The following SGCZ variants were observed in gnomAD, a reference collection of about 807,000 sequenced individuals.
The protein encoded by SGCZ is zeta-sarcoglycan.
Under a neutral mutation model 41.3 loss-of-function variants are expected in SGCZ, and 40 were observed. The ratio of observed to expected loss-of-function variants is 0.97; its 90% CI spans 0.75 to 1.26. The LOEUF (loss-of-function observed/expected upper bound fraction) is 1.26, where lower values mean the gene tolerates loss of function less well. Among genes scored for constraint, SGCZ ranks in the 50% most tolerant of loss-of-function variants. The pLI is 0.00. For missense variants in SGCZ, 552 were observed against 369.8 expected (o/e 1.49, Z -4.04); for synonymous variants, 206 against 137.5 (o/e 1.50, Z -3.49).
chr8:14,415,828 G>C (rs1319612081), intron 2 of SGCZ, among the ~76,000 whole-genome samples: 3 of 151,928 alleles, frequency 2.0e-5, no homozygotes, highest in South Asian at 2.1e-4. Context: ...CAGATGATCA[G>C]TGCATTGAAT....
At chr8:14,492,783 A>C (rs991002168) in intron 2 of SGCZ, among the ~76,000 whole-genome samples, 1 of 152,030 alleles carries the variant, frequency 6.6e-6, no homozygotes, top group Non-Finnish European at 1.5e-5. Context: ...TCTTCACTAA[A>C]AGTGGTATTC....
At chr8:14,563,369 A>G (rs1256079377) in intron 1 of SGCZ, among the ~76,000 whole-genome samples, 1 of 152,216 alleles carries the variant, frequency 6.6e-6, no homozygotes, top group Non-Finnish European at 1.5e-5. Flanking sequence ...GATAGACGGC[A>G]AAGGCTAAAA....
intron 1 of SGCZ, among the ~76,000 whole-genome samples, chr8:14,578,678 T>G (rs1804791642): frequency 6.6e-6 from 1 of 152,186 alleles, no homozygotes. Context: ...TGATGAATAA[T>G]AAGGGATATT....
intron 2 of SGCZ, among the ~76,000 whole-genome samples, chr8:14,539,939 C>T (rs1293617621): frequency 6.6e-6 from 1 of 151,916 alleles, no homozygotes; most frequent in Non-Finnish European, 1.5e-5. Flanking sequence ...TAGATGAGAT[C>T]ACCTAGGAAG....
At chr8:14,272,375 G>C (rs987927609) in intron 3 of SGCZ, among the ~76,000 whole-genome samples, 9 of 152,154 alleles carry the variant, frequency 5.9e-5, no homozygotes, top group African/African-American at 2.2e-4. Flanking sequence ...CTTTTCCTGA[G>C]ACAGTCTCAC....
At chr8:14,118,905 C>T (rs56311607) in intron 5 of SGCZ, among the ~76,000 whole-genome samples, 27,659 of 151,976 alleles carry the variant, frequency 0.18, 3,340 homozygotes, top group East Asian at 0.63. Flanking sequence ...GTTTCTGTTC[C>T]GTTGCATTGG....
Position 14,761,539 on chromosome 8 carries a change from AT to A in SGCZ, c.40-206614del, listed in dbSNP as rs373649476. Among the ~76,000 whole-genome samples, 91 of 135,746 alleles carry A rather than the reference AT, an allele frequency of 6.7e-4. 1 individual carries two copies. Among genetic ancestry groups the A allele is most frequent in the South Asian group, 1.2e-3 (5 of 4,262 alleles). 89.1% of individuals were successfully genotyped at this position (135,746 alleles called of 152,430 possible). ...TATTATTTTATTTATTTATTTATTT[AT>A]TTTTTTTTTGAGAGGGAGTCTCTCC... On this transcript the variant is annotated intron_variant, in intron 1 of 7. Coordinates refer to ENST00000382080, the MANE Select transcript of SGCZ (RefSeq NM_139167.4).
chr8:14,475,318 G>A (rs1196211538), intron 2 of SGCZ, among the ~76,000 whole-genome samples: 1 of 152,040 alleles, frequency 6.6e-6, no homozygotes, highest in Non-Finnish European at 1.5e-5. Flanking sequence ...TGGAGTTGCT[G>A]CCAGAATACA....
chr8:14,193,526 C>T (rs1011996634), intron 4 of SGCZ, among the ~76,000 whole-genome samples: 1 of 152,082 alleles, frequency 6.6e-6, no homozygotes, highest in African/African-American at 2.4e-5. Context: ...TCAAGAAATA[C>T]AGCACTGATT....
intron 1 of SGCZ, among the ~76,000 whole-genome samples, chr8:14,899,012 A>G (rs931625273): frequency 4.6e-5 from 7 of 152,206 alleles, no homozygotes; most frequent in African/African-American, 1.7e-4. Context: ...CACTTTTTGA[A>G]TATTGAACTT....
At chr8:14,180,968 A>G (rs915576076) in intron 4 of SGCZ, among the ~76,000 whole-genome samples, 5 of 152,040 alleles carry the variant, frequency 3.3e-5, no homozygotes, top group African/African-American at 1.2e-4. Context: ...TACAATATCA[A>G]CATGAGGCAG....
intron 4 of SGCZ, among the ~76,000 whole-genome samples, chr8:14,230,026 T>C (rs1172885583): frequency 6.6e-6 from 1 of 152,124 alleles, no homozygotes; most frequent in Non-Finnish European, 1.5e-5. Flanking sequence ...TTGTGCTCAT[T>C]TACCTTCTTC....
At chr8:14,321,681 T>C (rs1285454346) in intron 3 of SGCZ, among the ~76,000 whole-genome samples, 1 of 152,130 alleles carries the variant, frequency 6.6e-6, no homozygotes. Flanking sequence ...CAGCATTTTT[T>C]TTCTCTCAGC....
chr8:14,456,074 C>G (rs1030243199), intron 2 of SGCZ, among the ~76,000 whole-genome samples: 4 of 152,122 alleles, frequency 2.6e-5, no homozygotes, highest in African/African-American at 9.7e-5. Flanking sequence ...GACGCTTGCA[C>G]AACTCTGCTA....
chr8:14,385,092 C>A (rs1804523490), intron 2 of SGCZ, among the ~76,000 whole-genome samples: 1 of 152,128 alleles, frequency 6.6e-6, no homozygotes, highest in African/African-American at 2.4e-5. Context: ...TGATTAACAA[C>A]TGTGTGTAGG....
chr8:14,389,220 A>G (rs986626220), intron 2 of SGCZ, among the ~76,000 whole-genome samples: 2 of 152,010 alleles, frequency 1.3e-5, no homozygotes, highest in African/African-American at 2.4e-5. Flanking sequence ...ACATATTAAT[A>G]TAAATGAAAA....
intron 1 of SGCZ, among the ~76,000 whole-genome samples, chr8:14,714,723 A>G (rs1809631500): frequency 6.6e-6 from 1 of 152,196 alleles, no homozygotes; most frequent in Admixed American, 6.5e-5. Flanking sequence ...ATCCAGAAAA[A>G]TACTAGAAAA....
intron 2 of SGCZ, among the ~76,000 whole-genome samples, chr8:14,475,512 C>A (rs1371191992): frequency 6.6e-6 from 1 of 152,114 alleles, no homozygotes; most frequent in East Asian, 1.9e-4. Flanking sequence ...CCATGTGACT[C>A]AAAATGTACT....
At chr8:14,547,314 G>A (rs1022812633) in intron 2 of SGCZ, among the ~76,000 whole-genome samples, 19 of 152,174 alleles carry the variant, frequency 1.2e-4, no homozygotes, top group Non-Finnish European at 1.9e-4. Context: ...TCATTCAGAC[G>A]GCCAGAAAGG....
Sources: allele counts gnomAD v4.1 joint callset (sites outside exome capture counted in the v4.1 genomes callset), GRCh38; gene constraint gnomAD v4.1.1; transcripts MANE v1.5; gene names NCBI Gene and HGNC (gene_info 2026-07-23, HGNC 2026-07-21).